The following FBN2 variants were observed in gnomAD, a reference collection of about 807,000 sequenced individuals.
FBN2 encodes the protein fibrillin 2.
Under a neutral mutation model 355.6 loss-of-function variants are expected in FBN2, and 105 were observed. That is an observed-to-expected ratio of 0.30 (90% confidence interval 0.25 to 0.35). FBN2 has a LOEUF of 0.35. Ranked by LOEUF, FBN2 falls within the 10% of genes least tolerant of loss-of-function variation. The probability of loss-of-function intolerance (pLI) is 1.00; values close to 1 mark genes in which losing one functional copy is unlikely to be tolerated. For missense variants in FBN2, 3,280 were observed against 3,758.7 expected, an observed-to-expected ratio of 0.87 and a Z score of 3.33; for synonymous variants, 1,350 against 1,301.2, an observed-to-expected ratio of 1.04 and a Z score of -0.81.
At chr5:128,512,540 T>C (rs1581361628) in intron 5 of FBN2, among the ~76,000 whole-genome samples, 1 of 143,154 alleles carries the variant, frequency 7.0e-6, no homozygotes, top group Non-Finnish European at 1.5e-5. Context: ...AAAAAGCATA[T>C]CAGATCTTGG....
intron 11 of FBN2, among the ~76,000 whole-genome samples, chr5:128,381,012 A>G (rs2126962805): frequency 6.6e-6 from 1 of 152,262 alleles, no homozygotes; most frequent in Admixed American, 6.6e-5. Context: ...AAATACTACT[A>G]TATAGCTAAG....
At chr5:128,525,143 C>T (rs904570403) in intron 4 of FBN2, among the ~76,000 whole-genome samples, 1 of 152,114 alleles carries the variant, frequency 6.6e-6, no homozygotes, top group African/African-American at 2.4e-5. Context: ...CAGCTAATTT[C>T]AGGACAGATT....
In FBN2 at chr5:128,364,537, T is replaced by G. The variant is rs532305143; in HGVS notation, c.2428+63A>C. 79 of 1,511,142 alleles carry G rather than the reference T, an allele frequency of 5.2e-5. No individual in the cohort carries two copies. The African/African-American group carries it at 8.1e-4, about 16-fold the overall frequency. 93.6% of individuals were successfully genotyped at this position (1,511,142 alleles called of 1,614,324 possible). ...TTTTAGTCATTTGTGTTTTTAATTC[T>G]AATATAATCCATGGGATTAAACTAT... On this transcript the variant is annotated intron_variant, in intron 18 of 64. Transcript: ENST00000262464.
At chr5:128,297,488 C>T (rs1420563822) in intron 48 of FBN2, among the ~76,000 whole-genome samples, 1 of 152,054 alleles carries the variant, frequency 6.6e-6, no homozygotes, top group Non-Finnish European at 1.5e-5. Context: ...CTTTGTAGGT[C>T]ACTCAGGACT....
At chr5:128,360,979 T>A (rs1173243674) in intron 19 of FBN2, among the ~76,000 whole-genome samples, 2 of 152,212 alleles carry the variant, frequency 1.3e-5, no homozygotes, top group African/African-American at 2.4e-5. Flanking sequence ...GAACAATGAC[T>A]AGTATTCATA....
In FBN2 at chr5:128,356,450, C is replaced by T. The variant is rs141190321; in HGVS notation, c.2674+826G>A. On this transcript the variant is annotated intron_variant, in intron 20 of 64. Transcript: ENST00000262464. ...CATTTTGGCTAGATAATAAAAACTGCCAGTTAATTTGGCACTATGTAAAAC... is the reference window on the plus strand; with the variant it reads ...CATTTTGGCTAGATAATAAAAACTGTCAGTTAATTTGGCACTATGTAAAAC... 2.4e-4 allele frequency among the ~76,000 whole-genome samples: 36 copies of T among 152,306 alleles called. No homozygotes were observed. The East Asian group carries it at 6.2e-3, about 26-fold the overall frequency.
At chr5:128,426,100 C>T (rs1753475626) in intron 7 of FBN2, among the ~76,000 whole-genome samples, 1 of 151,978 alleles carries the variant, frequency 6.6e-6, no homozygotes, top group Non-Finnish European at 1.5e-5. Context: ...TTGCATAAAC[C>T]CAACAAGCCA....
rs1417923281 is a variant in FBN2 at position 128,290,637 on chromosome 5, C to T, written c.6445+95G>A. The T allele has an allele frequency of 5.4e-6, 7 of 1,284,428 alleles. No individual in the cohort carries two copies. The Admixed American group carries it at 1.2e-4, about 22-fold the overall frequency. 79.6% of individuals were successfully genotyped at this position (1,284,428 alleles called of 1,614,324 possible). On this transcript the variant is annotated intron_variant, in intron 50 of 64. Transcript: ENST00000262464. ...TTATATGCAAGGAGATGATTTCACT[C>T]TCAAAATATTCTTAAATTACATGGT...
intron 46 of FBN2, 52 bp downstream of exon 46, chr5:128,302,921 A>C (rs1441770672): frequency 2.9e-6 from 3 of 1,033,874 alleles, no homozygotes; most frequent in Admixed American, 3.4e-5. Flanking sequence ...TTATTTCAGC[A>C]CATTGTGTGG....
At chr5:128,497,493 T>C (rs947230922) in intron 5 of FBN2, among the ~76,000 whole-genome samples, 4 of 152,220 alleles carry the variant, frequency 2.6e-5, no homozygotes, top group Admixed American at 2.6e-4. Context: ...TGCTTTGTTG[T>C]CATCGTAACA....
chr5:128,386,028 G>A (rs193244205), intron 11 of FBN2, among the ~76,000 whole-genome samples: 145 of 151,894 alleles, frequency 9.5e-4, no homozygotes, highest in Non-Finnish European at 1.6e-3. Context: ...TAGTTTAATT[G>A]GGTCTCATTT....
rs76462170 is a variant in FBN2 at position 128,392,864 on chromosome 5, T to C, written c.1465+271A>G. Among the ~76,000 whole-genome samples, 2,540 of 152,294 alleles carry C rather than the reference T, an allele frequency of 0.017. 114 individuals are homozygous for C. Among genetic ancestry groups the C allele is most frequent in the Admixed American group, 0.096 (1,464 of 15,298 alleles). Reference sequence around the variant, plus strand: ...GCTCTCATATGTATTTGCGAAGACCTGGGTCACACATTCTTTTCTCTAATT... The same window carrying C: ...GCTCTCATATGTATTTGCGAAGACCCGGGTCACACATTCTTTTCTCTAATT... On this transcript the variant is annotated intron_variant, in intron 10 of 64. Coordinates refer to ENST00000262464, the MANE Select transcript of FBN2 (RefSeq NM_001999.4).
At chr5:128,404,767 G>A (rs1488636901) in intron 8 of FBN2, among the ~76,000 whole-genome samples, 1 of 152,182 alleles carries the variant, frequency 6.6e-6, no homozygotes, top group Non-Finnish European at 1.5e-5. Flanking sequence ...TGACAATGCA[G>A]TAAACCCTAA....
chr5:128,394,260 C>A (rs1752591540), intron 9 of FBN2, among the ~76,000 whole-genome samples: 1 of 152,046 alleles, frequency 6.6e-6, no homozygotes, highest in South Asian at 2.1e-4. Context: ...ATTAATATAT[C>A]TTTATGTGAG....
Position 128,444,114 on chromosome 5 carries a change from G to C in FBN2, c.952+2367C>G, listed in dbSNP as rs1216029625. Among the ~76,000 whole-genome samples the C allele has an allele frequency of 3.1e-5, 4 of 127,944 alleles. No homozygotes were observed. The East Asian group carries it at 7.4e-4, about 24-fold the overall frequency. The allele number at this position is 127,944 out of a possible 152,430, so 83.9% of individuals were successfully genotyped here. A position where few individuals can be genotyped will look rare whatever the true frequency, so the allele number is the denominator to read the frequency against. ...GGAGTCTCGCTCTGTCGCCCAGGCCGGACTGCGGACTGCAGTGGCGCGATC... is the reference window on the plus strand; with the variant it reads ...GGAGTCTCGCTCTGTCGCCCAGGCCCGACTGCGGACTGCAGTGGCGCGATC... On this transcript the variant is annotated intron_variant, in intron 7 of 64. Coordinates refer to ENST00000262464, the MANE Select transcript of FBN2 (RefSeq NM_001999.4).
At chr5:128,328,444 T>G in intron 34 of FBN2, 1 of 607,954 alleles carries the variant, frequency 1.6e-6, no homozygotes, top group Non-Finnish European at 2.9e-6. Flanking sequence ...AGAGAAGAAA[T>G]GGTTAAAAAA....
At chr5:128,333,402 A>G (rs923359553) in intron 31 of FBN2, among the ~76,000 whole-genome samples, 1 of 152,198 alleles carries the variant, frequency 6.6e-6, no homozygotes, top group Non-Finnish European at 1.5e-5. Flanking sequence ...TCTTATTTCC[A>G]ATAATAGATG....
At chr5:128,332,191 T>C (rs572852057) in intron 32 of FBN2, among the ~76,000 whole-genome samples, 2 of 152,140 alleles carry the variant, frequency 1.3e-5, no homozygotes, top group South Asian at 4.1e-4. Context: ...GCCTATATAT[T>C]TTTTGTAAGT....
At chr5:128,291,141 A>C (rs1405849183) in intron 49 of FBN2, among the ~76,000 whole-genome samples, 4 of 152,208 alleles carry the variant, frequency 2.6e-5, no homozygotes, top group Non-Finnish European at 4.4e-5. Context: ...TGATTTCCAC[A>C]CAGAGTCTCT....
Sources: gnomAD v4.1 joint callset for allele counts (sites outside exome capture counted in the v4.1 genomes callset) on GRCh38, gnomAD v4.1.1 for gene constraint, MANE v1.5 for transcripts, NCBI Gene and HGNC (gene_info 2026-07-23, HGNC 2026-07-21) for gene names.